AP5Z1: variants seen among roughly 807,000 people sequenced by gnomAD.
The protein encoded by AP5Z1 is AP-5 complex subunit zeta-1.
Under a neutral mutation model 83.0 loss-of-function variants are expected in AP5Z1, and 106 were observed. The observed-to-expected ratio is 1.28, with a 90% CI of 1.09 to 1.50. AP5Z1 has a LOEUF of 1.50. Ranked by LOEUF, AP5Z1 falls within the 40% of genes most tolerant of loss-of-function variation. The pLI is 0.00. For synonymous variants in AP5Z1, 751 were observed against 514.1 expected (o/e 1.46, Z -6.23); for missense variants, 1,565 against 1,094.2 (o/e 1.43, Z -6.07).
Position 4,792,988 on chromosome 7 carries a change from GA to G in AP5Z1, c.*1605del, listed in dbSNP as rs1465917187. The G allele has an allele frequency of 6.2e-6, 1 of 160,148 alleles. No homozygotes were observed. Among genetic ancestry groups the G allele is most frequent in the Non-Finnish European group, 1.4e-5 (1 of 72,878 alleles). 9.9% of individuals were successfully genotyped at this position (160,148 alleles called of 1,614,324 possible). A position where few individuals can be genotyped will look rare whatever the true frequency, so the allele number is the denominator to read the frequency against. On this transcript the variant is annotated 3_prime_UTR_variant, in exon 17 of 17. Transcript: ENST00000649063. ...CCCTGGGGCGGGGCTTCCCTGACCT[GA>G]AGGCGTCGGGGGTGTCCTGGCTCCC...
At chr7:4,783,885 C>T (rs1781455843) in intron 5 of AP5Z1, 87 bp downstream of exon 5, 2 of 1,380,768 alleles carry the variant, frequency 1.4e-6, no homozygotes, top group Non-Finnish European at 2.0e-6. Flanking sequence ...GCGGCGAGGC[C>T]TGCTGTCGTT....
intron 14 of AP5Z1, chr7:4,790,194 T>C: frequency 6.5e-7 from 1 of 1,542,950 alleles, no homozygotes; most frequent in Non-Finnish European, 8.7e-7. Context: ...TCTTGTCCCC[T>C]GGGGTCCTTC....
At position 4,791,316 on chromosome 7, in the gene AP5Z1, G is replaced by C. The variant is rs778795113; in HGVS notation, c.2355G>C (p.Thr785=). The change falls in exon 17 of 17, where the codon ACG becomes ACC. Residue 785 remains threonine (T), a synonymous_variant. Coordinates refer to ENST00000649063, the MANE Select transcript of AP5Z1 (RefSeq NM_014855.3). Reference sequence around the variant, plus strand: ...CCCGCTATCACCGCGATGCCAACACGGCCCTGCCCCTGGCCCTGCGCACGG... The same window carrying C: ...CCCGCTATCACCGCGATGCCAACACCGCCCTGCCCCTGGCCCTGCGCACGG... ...CSPRYHRDAN[T]ALPLALRTVS... is the part of the protein sequence containing the mutation. The C allele has an allele frequency of 2.5e-6, 4 of 1,610,802 alleles. No homozygotes were observed. The South Asian group carries it at 4.4e-5, about 18-fold the overall frequency.
At position 4,789,840 on chromosome 7, in the gene AP5Z1, C is replaced by T. The variant is rs777196051; in HGVS notation, c.1716C>T (p.Asp572=). The part of the protein sequence containing the change: ...AFFSAVTQVA[D]GSLINQLALL... ...CCACTCCTGACCCCCAGGTGGCTGA[C>T]GGGTCCCTGATCAACCAGCTGGCGC... Residue 572 remains aspartate (D), a synonymous_variant, in exon 14 of 17, where the codon GAC becomes GAT. Coordinates refer to ENST00000649063, the MANE Select transcript of AP5Z1 (RefSeq NM_014855.3). 19 of 1,551,770 alleles carry T rather than the reference C, an allele frequency of 1.2e-5. No individual in the cohort carries two copies. Among genetic ancestry groups the T allele is most frequent in the Middle Eastern group, 1.7e-4 (1 of 6,000 alleles).
Position 4,788,142 on chromosome 7 carries a change from C to T in AP5Z1, c.1455-12C>T, listed in dbSNP as rs1038026978. The T allele has an allele frequency of 2.7e-5, 41 of 1,515,890 alleles. No homozygotes were observed. The highest frequency in any genetic ancestry group is 3.3e-5 in the Non-Finnish European group (37 of 1,126,236). 93.9% of individuals were successfully genotyped at this position (1,515,890 alleles called of 1,614,324 possible). ...CGCATCCCAGCCTGGCCTTGGGCGT[C>T]TGTCCACGCAGGTCAGCACCGGCTG... On this transcript the variant is annotated splice_polypyrimidine_tract_variant and intron_variant, in intron 11 of 16. Coordinates refer to ENST00000649063, the MANE Select transcript of AP5Z1 (RefSeq NM_014855.3).
chr7:4,787,889 C>CG, intron 11 of AP5Z1, 113 bp downstream of exon 11: 1 of 1,328,148 alleles, frequency 7.5e-7, no homozygotes, highest in Non-Finnish European at 1.0e-6. Context: ...TTCTTCCCCC[C>CG]CCAACACCTG....
At chr7:4,782,833 C>T (rs565746513) in intron 3 of AP5Z1, among the ~76,000 whole-genome samples, 274 of 152,334 alleles carry the variant, frequency 1.8e-3, no homozygotes, top group African/African-American at 6.3e-3. Context: ...CAGGCGCCAG[C>T]GGTGCACCCC....
intron 5 of AP5Z1, 93 bp from the exon 6 acceptor site, chr7:4,784,109 GC>G (rs1781463470): frequency 7.1e-7 from 1 of 1,417,232 alleles, no homozygotes. Flanking sequence ...TGTTCAGGCA[GC>G]TTCTCCTCCA....
In AP5Z1 at chr7:4,791,803, C is replaced by A; in HGVS notation, c.*418C>A. The A allele has an allele frequency of 6.0e-6, 1 of 167,180 alleles. No homozygotes were observed. The highest frequency in any genetic ancestry group is 1.3e-5 in the Non-Finnish European group (1 of 78,064). The allele number at this position is 167,180 out of a possible 1,614,324, so 10.4% of individuals were successfully genotyped here. On this transcript the variant is annotated 3_prime_UTR_variant, in exon 17 of 17. Transcript: ENST00000649063. ...ATCAGTTCCGTTACCTGCCCTGCAC[C>A]CTGGGGAGAGGACCAGGGATGGGAA...
chr7:4,791,503 CCACGGTGGGCTTGGCACCCTCACAGA>C lies in AP5Z1; in HGVS notation c.*123_*148del, dbSNP rs1781772279. The stretch of plus-strand genomic sequence containing the variant: ...GGAGTCCTGGGAGAGGAGGCAAGGC[CCACGGTGGGCTTGGCACCCTCACAGA>C]CACGCGGGGCTGGCCCCCCTGCTCA... On this transcript the variant is annotated 3_prime_UTR_variant, in exon 17 of 17. Coordinates refer to ENST00000649063, the MANE Select transcript of AP5Z1 (RefSeq NM_014855.3). The C allele has an allele frequency of 7.1e-7, 1 of 1,414,750 alleles. No homozygotes were observed. Among genetic ancestry groups the C allele is most frequent in the Admixed American group, 2.5e-5 (1 of 39,384 alleles). 87.6% of individuals were successfully genotyped at this position (1,414,750 alleles called of 1,614,324 possible).
rs1488376138 is a variant in AP5Z1 at position 4,794,192 on chromosome 7, T to G, written c.*2807T>G. Reference sequence around the variant, plus strand: ...ATCTGGTGGGGACATGGAGAACCTTTGTGTCTAGCTCAGGGATTGTAAACG... The same window carrying G: ...ATCTGGTGGGGACATGGAGAACCTTGGTGTCTAGCTCAGGGATTGTAAACG... On this transcript the variant is annotated 3_prime_UTR_variant, in exon 17 of 17. Coordinates refer to ENST00000649063, the MANE Select transcript of AP5Z1 (RefSeq NM_014855.3). The G allele has an allele frequency of 6.6e-6, 1 of 152,196 alleles. No homozygotes were observed. Among genetic ancestry groups the G allele is most frequent in the Admixed American group, 6.5e-5 (1 of 15,274 alleles). The allele number at this position is 152,196 out of a possible 1,614,324, so 9.4% of individuals were successfully genotyped here.
intron 5 of AP5Z1, among the ~76,000 whole-genome samples, 190 bp from the exon 6 acceptor site, chr7:4,784,013 A>AG (rs767726760): frequency 2.4e-4 from 37 of 152,130 alleles, no homozygotes; most frequent in Admixed American, 1.1e-3. Flanking sequence ...GGGCCTGCGG[A>AG]GCAGGGTGTG....
At chr7:4,786,453 C>T (rs1262508920) in intron 10 of AP5Z1, 25 bp downstream of exon 10, 1 of 1,610,492 alleles carries the variant, frequency 6.2e-7, no homozygotes, top group Non-Finnish European at 8.5e-7. Context: ...CCCTGGGTGC[C>T]AGGGCAGGGG....
chr7:4,783,742 C>T lies in AP5Z1; in HGVS notation c.565C>T (p.Leu189Phe), dbSNP rs1365858129. 3.9e-6 allele frequency: 6 copies of T among 1,550,888 alleles called. No individual in the cohort carries two copies. Among genetic ancestry groups the T allele is most frequent in the East Asian group, 2.4e-5 (1 of 40,922 alleles). Residue 189 changes from leucine (L) to phenylalanine (F), a missense_variant, in exon 5 of 17, where the codon CTC becomes TTC. By Grantham distance (22) the Leu-to-Phe change is conservative (BLOSUM62 0). Transcript: ENST00000649063. Reference protein sequence around the residue: ...RLVDWLRYASLQQGLPHSGGF... With the variant: ...RLVDWLRYASFQQGLPHSGGF... Reference sequence around the variant, plus strand: ...GGTCGACTGGCTGCGCTACGCCAGCCTCCAGCAAGGGCTCCCACACTCCGG... The same window carrying T: ...GGTCGACTGGCTGCGCTACGCCAGCTTCCAGCAAGGGCTCCCACACTCCGG...
chr7:4,786,280 T>C lies in AP5Z1; in HGVS notation c.1163T>C (p.Val388Ala), dbSNP rs1451422650. 5.6e-6 allele frequency: 9 copies of C among 1,611,606 alleles called. No individual in the cohort carries two copies. Among genetic ancestry groups the C allele is most frequent in the Non-Finnish European group, 7.6e-6 (9 of 1,178,668 alleles). The change falls in exon 10 of 17, where the codon GTC (valine) becomes GCC (alanine). Residue 388 changes from valine to alanine, a missense_variant. Val to Ala is a moderately conservative substitution (Grantham distance 64). Coordinates refer to ENST00000649063, the MANE Select transcript of AP5Z1 (RefSeq NM_014855.3). ...GCGGCTGCAGTGGACTCGGAAGCCG[T>C]CTACCAGCACCTGTTCACCAGGATC... ...GEAAAVDSEA[V>A]YQHLFTRIPV...
intron 1 of AP5Z1, 74 bp from the exon 2 acceptor site, chr7:4,781,101 G>A (rs1420174648): frequency 5.8e-6 from 9 of 1,556,934 alleles, no homozygotes; most frequent in Non-Finnish European, 7.8e-6. Flanking sequence ...GATTTTCCCT[G>A]CTCCAAGGGT....
At chr7:4,788,468 C>CCGGGGG (rs775019133) in intron 12 of AP5Z1, 174 bp downstream of exon 12, 54 of 838,576 alleles carry the variant, frequency 6.4e-5, no homozygotes, top group Non-Finnish European at 8.9e-5. Flanking sequence ...CACGGGTCTG[C>CCGGGGG]CGGGGGCGGG....
chr7:4,781,294 C>A lies in AP5Z1; in HGVS notation c.161C>A (p.Ala54Asp). The change falls in exon 2 of 17, where the codon GCC becomes GAC. Residue 54 changes from alanine to aspartate, a missense_variant. Physicochemically the swap from Ala to Asp is moderately radical, Grantham distance 126. Transcript: ENST00000649063. ...CAGAGGCTCTTCCTCATCATCTCAG[C>A]CACGAAGTACAGCCGGAGGTGAGTG... ...SLQRLFLIIS[A>D]TKYSRRLEKT... The A allele has an allele frequency of 6.2e-7, 1 of 1,613,598 alleles. No homozygotes were observed. Among genetic ancestry groups the A allele is most frequent in the Admixed American group, 1.7e-5 (1 of 60,030 alleles).
At chr7:4,781,030 G>C (rs1781366304) in intron 1 of AP5Z1, 145 bp from the exon 2 acceptor site, 1 of 1,069,180 alleles carries the variant, frequency 9.4e-7, no homozygotes, top group Non-Finnish European at 1.3e-6. Context: ...AATTTATCTC[G>C]AGAGCCATGA....
Sources: allele counts gnomAD v4.1 joint callset (sites outside exome capture counted in the v4.1 genomes callset), GRCh38; gene constraint gnomAD v4.1.1; transcripts MANE v1.5; gene names NCBI Gene and HGNC (gene_info 2026-07-23, HGNC 2026-07-21).